Variants in FOXP1 observed in about 807,000 individuals in gnomAD.
FOXP1 encodes the protein forkhead box protein P1.
Under a neutral mutation model 98.2 loss-of-function variants are expected in FOXP1, and 15 were observed. That is an observed-to-expected ratio of 0.15 (90% confidence interval 0.10 to 0.24). The LOEUF is 0.24. Ranked by LOEUF, FOXP1 falls within the 10% of genes least tolerant of loss-of-function variation. The pLI is 1.00. For synonymous variants in FOXP1, 371 were observed against 314.5 expected (o/e 1.18, Z -1.90); for missense variants, 633 against 848.5 (o/e 0.75, Z 3.15).
At chr3:71,262,045 A>G (rs1226745189) in intron 5 of FOXP1, among the ~76,000 whole-genome samples, 3 of 151,880 alleles carry the variant, frequency 2.0e-5, no homozygotes, top group African/African-American at 7.3e-5. Flanking sequence ...AGGCGGCGGG[A>G]TCACGAGGTC....
At chr3:71,073,351 G>A (rs978942475) in intron 7 of FOXP1, among the ~76,000 whole-genome samples, 3 of 152,114 alleles carry the variant, frequency 2.0e-5, no homozygotes, top group Admixed American at 1.3e-4. Flanking sequence ...TATACCTCAT[G>A]TGAATCCTCA....
intron 6 of FOXP1, among the ~76,000 whole-genome samples, chr3:71,186,801 G>A (rs938848237): frequency 6.6e-6 from 1 of 152,258 alleles, no homozygotes; most frequent in African/African-American, 2.4e-5. Flanking sequence ...TGCTTCCTCA[G>A]TTTTGTCACT....
chr3:71,079,976 A>G (rs986493483), intron 7 of FOXP1, among the ~76,000 whole-genome samples: 1 of 152,230 alleles, frequency 6.6e-6, no homozygotes, highest in Non-Finnish European at 1.5e-5. Flanking sequence ...TAATGCCTAG[A>G]AAGTATAAAC....
At chr3:71,534,288 G>C (rs181214226) in intron 2 of FOXP1, among the ~76,000 whole-genome samples, 2 of 152,024 alleles carry the variant, frequency 1.3e-5, no homozygotes, top group African/African-American at 4.8e-5. Flanking sequence ...GCTTGGACCT[G>C]GGGGGGTGGA....
chr3:71,495,941 G>A lies in FOXP1; in HGVS notation c.-297-2386C>T, dbSNP rs1415678260. Among the ~76,000 whole-genome samples, 4 of 152,146 alleles carry A rather than the reference G, an allele frequency of 2.6e-5. No individual in the cohort carries two copies. In the East Asian group the frequency reaches 5.8e-4, roughly 22 times the overall value. On this transcript the variant is annotated intron_variant, in intron 2 of 20. Transcript: ENST00000649528. ...GTAACAGGGAGAGGGAAGGAATGTG[G>A]CAAGCTGAGAAATCCTCACTTTATC...
At chr3:71,361,737 C>A (rs2078586404) in intron 3 of FOXP1, among the ~76,000 whole-genome samples, 1 of 152,216 alleles carries the variant, frequency 6.6e-6, no homozygotes, top group South Asian at 2.1e-4. Context: ...CTGCTCAGGA[C>A]TGGATGCTCA....
At chr3:70,966,593 A>G (rs2034838151) in intron 19 of FOXP1, among the ~76,000 whole-genome samples, 2 of 152,094 alleles carry the variant, frequency 1.3e-5, no homozygotes, top group Admixed American at 1.3e-4. Flanking sequence ...TCCTCCCATC[A>G]TTTCTGTTTT....
rs116327612 is a variant in FOXP1, at chr3:71,278,673, C to T, written c.-12+21147G>A. ...GTATGCACCTGTAATCACAGCTATG[C>T]AGGAGGCTGAAGCAGGAGAATCCAC... On this transcript the variant is annotated intron_variant, in intron 5 of 20. Coordinates refer to ENST00000649528, the MANE Select transcript of FOXP1 (RefSeq NM_001349338.3). Among the ~76,000 whole-genome samples the T allele has an allele frequency of 8.4e-3, 1,275 of 152,172 alleles. 9 individuals are homozygous for T. Among genetic ancestry groups the T allele is most frequent in the Non-Finnish European group, 0.013 (869 of 67,998 alleles).
chr3:71,374,656 C>T (rs1156760434), intron 3 of FOXP1, among the ~76,000 whole-genome samples: 1 of 151,916 alleles, frequency 6.6e-6, no homozygotes, highest in Admixed American at 6.6e-5. Context: ...ATATGAACCC[C>T]AAAGCTATTG....
At chr3:71,381,463 G>C (rs1264084159) in intron 3 of FOXP1, among the ~76,000 whole-genome samples, 1 of 92,848 alleles carries the variant, frequency 1.1e-5, no homozygotes, top group African/African-American at 4.1e-5. Flanking sequence ...TTTTTTTTGA[G>C]ACAGGGTCTT....
intron 6 of FOXP1, among the ~76,000 whole-genome samples, chr3:71,126,583 G>A (rs778339749): frequency 7.9e-5 from 12 of 152,160 alleles, no homozygotes; most frequent in Admixed American, 2.6e-4. Context: ...CAGCACTTTG[G>A]GAGGCCGAGG....
At chr3:71,260,764 G>A (rs1015228886) in intron 5 of FOXP1, among the ~76,000 whole-genome samples, 8 of 151,724 alleles carry the variant, frequency 5.3e-5, no homozygotes, top group African/African-American at 9.7e-5. Context: ...GGCTGGTCTC[G>A]AACTCCTGAC....
At chr3:71,077,120 C>G (rs2053877174) in intron 7 of FOXP1, among the ~76,000 whole-genome samples, 1 of 152,184 alleles carries the variant, frequency 6.6e-6, no homozygotes, top group African/African-American at 2.4e-5. Context: ...GAAGAGAGCT[C>G]ACATCCAAGC....
At chr3:71,411,299 G>GTGTA (rs2082716131) in intron 3 of FOXP1, among the ~76,000 whole-genome samples, 1 of 149,326 alleles carries the variant, frequency 6.7e-6, no homozygotes, top group East Asian at 1.9e-4. Flanking sequence ...GTGTGTGTGT[G>GTGTA]TGTGTGTGTG....
intron 7 of FOXP1, among the ~76,000 whole-genome samples, chr3:71,076,452 A>G (rs2053821145): frequency 6.6e-6 from 1 of 152,228 alleles, no homozygotes; most frequent in Non-Finnish European, 1.5e-5. Context: ...GACAAGAGTT[A>G]TGCTGAAGAT....
At chr3:71,053,884 A>G (rs1199484107) in intron 7 of FOXP1, 111 bp from the exon 8 acceptor site, 2 of 1,093,476 alleles carry the variant, frequency 1.8e-6, no homozygotes, top group African/African-American at 3.1e-5. Context: ...CCAATTTCCC[A>G]TGCAACATGT....
chr3:71,276,933 T>C (rs535889611), intron 5 of FOXP1, among the ~76,000 whole-genome samples: 11 of 151,904 alleles, frequency 7.2e-5, no homozygotes, highest in African/African-American at 2.7e-4. Flanking sequence ...GTATCCTCTG[T>C]TCTACTTTTT....
chr3:71,488,803 TC>T (rs1205212739), intron 3 of FOXP1, among the ~76,000 whole-genome samples: 1 of 152,218 alleles, frequency 6.6e-6, no homozygotes, highest in African/African-American at 2.4e-5. Context: ...AAATCTAGCC[TC>T]TCTTTATGGT....
At chr3:71,262,041 C>T (rs190004251) in intron 5 of FOXP1, among the ~76,000 whole-genome samples, 26 of 151,716 alleles carry the variant, frequency 1.7e-4, no homozygotes, top group African/African-American at 4.4e-4. Context: ...GCCGAGGCGG[C>T]GGGATCACGA....
Sources: allele counts gnomAD v4.1 joint callset (sites outside exome capture counted in the v4.1 genomes callset), GRCh38; gene constraint gnomAD v4.1.1; transcripts MANE v1.5; gene names NCBI Gene and HGNC (gene_info 2026-07-23, HGNC 2026-07-21).